The following FAM90A20 variants were observed in gnomAD, a reference collection of about 807,000 sequenced individuals.
FAM90A20 encodes the protein family with sequence similarity 90 member A20, also known as protein FAM90A20.
the FAM90A20 span, among the ~76,000 whole-genome samples, chr8:7,296,908 C>A: frequency 2.9e-5 from 4 of 137,298 alleles, no homozygotes; most frequent in Admixed American, 6.7e-5. Flanking sequence ...CTGATCAGCA[C>A]TCAGGTGGAG....
chr8:7,295,551 C>G, the FAM90A20 span: 5 of 651,710 alleles, frequency 7.7e-6, 1 homozygote, highest in South Asian at 1.5e-5. Flanking sequence ...TCTGAATTCA[C>G]AATCCATCCC....
the FAM90A20 span, chr8:7,297,157 G>A: frequency 2.3e-4 from 354 of 1,530,796 alleles, 30 homozygotes; most frequent in Middle Eastern, 9.2e-4. Flanking sequence ...TGTCTGGCAG[G>A]GGCTCCGTCT....
chr8:7,297,765 C>G, the FAM90A20 span: 7 of 1,471,202 alleles, frequency 4.8e-6, no homozygotes, highest in Non-Finnish European at 6.4e-6. Flanking sequence ...TGCACCATGT[C>G]CCATCACCCA....
chr8:7,297,386 G>A, the FAM90A20 span: 3 of 1,516,984 alleles, frequency 2.0e-6, no homozygotes, highest in South Asian at 2.2e-5. Context: ...CCTGCTCCAG[G>A]CCGTCAGAAC....
the FAM90A20 span, chr8:7,297,605 G>T: frequency 1.4e-6 from 2 of 1,465,734 alleles, no homozygotes; most frequent in Non-Finnish European, 1.8e-6. Flanking sequence ...AGGTGAGCTG[G>T]GGGCCCCGGA....
chr8:7,297,636 C>T, the FAM90A20 span: 8 of 1,408,462 alleles, frequency 5.7e-6, 1 homozygote, highest in South Asian at 2.3e-5. Context: ...CCTCCACCAG[C>T]CGCAACCGAA....
the FAM90A20 span, chr8:7,297,245 G>C: frequency 6.8e-7 from 1 of 1,480,610 alleles, no homozygotes; most frequent in Non-Finnish European, 9.2e-7. Flanking sequence ...ACAGACAGGG[G>C]CTGCCGCCGA....
the FAM90A20 span, among the ~76,000 whole-genome samples, chr8:7,296,688 A>T: frequency 7.4e-6 from 1 of 135,512 alleles, no homozygotes; most frequent in South Asian, 2.2e-4. Flanking sequence ...AGAAGGCTAA[A>T]CCCAGGAACA....
the FAM90A20 span, chr8:7,295,922 TCCG>T: frequency 1.7e-6 from 1 of 577,170 alleles, no homozygotes; most frequent in Non-Finnish European, 3.0e-6. Context: ...CCTTTCCGTC[TCCG>T]GGCCAGGGAA....
the FAM90A20 span, chr8:7,297,453 C>A: frequency 6.4e-6 from 10 of 1,552,998 alleles, no homozygotes; most frequent in South Asian, 8.9e-5. Context: ...TCAGCCGCCA[C>A]ACACAGCTTG....
the FAM90A20 span, chr8:7,297,318 A>C: frequency 1.6e-5 from 22 of 1,358,324 alleles, no homozygotes; most frequent in Non-Finnish European, 2.3e-5. Context: ...GAGCCGACAC[A>C]CAGCAGCCCT....
At chr8:7,297,542 C>A in the FAM90A20 span, 3 of 1,524,372 alleles carry the variant, frequency 2.0e-6, 1 homozygote, top group Non-Finnish European at 2.7e-6. Flanking sequence ...CCTGAACTTC[C>A]CCAAGAAACC....
At chr8:7,296,054 C>A in the FAM90A20 span, among the ~76,000 whole-genome samples, 2 of 130,042 alleles carry the variant, frequency 1.5e-5, no homozygotes, top group Non-Finnish European at 3.1e-5. Flanking sequence ...ATGCAGGTTC[C>A]CCACGACAGG....
At chr8:7,297,317 C>T in the FAM90A20 span, 5 of 1,357,916 alleles carry the variant, frequency 3.7e-6, no homozygotes, top group Admixed American at 1.7e-5. Context: ...GGAGCCGACA[C>T]ACAGCAGCCC....
At chr8:7,297,656 A>T in the FAM90A20 span, 3 of 1,394,980 alleles carry the variant, frequency 2.2e-6, 1 homozygote, top group Middle Eastern at 2.4e-4. Flanking sequence ...ACTTGGACCA[A>T]GTAGGTCGCC....
At chr8:7,296,522 C>A in the FAM90A20 span, 1,099 of 630,136 alleles carry the variant, frequency 1.7e-3, 103 homozygotes, top group East Asian at 5.6e-3. Flanking sequence ...GGGGTCAGGG[C>A]CTCCACGATC....
the FAM90A20 span, chr8:7,297,315 C>G: frequency 3.7e-6 from 5 of 1,355,482 alleles, no homozygotes; most frequent in Non-Finnish European, 4.1e-6. Context: ...GTGGAGCCGA[C>G]ACACAGCAGC....
chr8:7,297,250 C>G, the FAM90A20 span: 547 of 1,456,480 alleles, frequency 3.8e-4, 85 homozygotes, highest in African/African-American at 4.3e-3. Context: ...CAGGGGCTGC[C>G]GCCGACATCC....
the FAM90A20 span, chr8:7,295,784 C>A: frequency 4.8e-6 from 6 of 1,249,144 alleles, no homozygotes; most frequent in Non-Finnish European, 6.8e-6. Context: ...TGAAGCCAAC[C>A]CGGGGCCCTT....
Sources: gnomAD v4.1 joint callset for allele counts (sites outside exome capture counted in the v4.1 genomes callset) on GRCh38, gnomAD v4.1.1 for gene constraint, MANE v1.5 for transcripts, NCBI Gene and HGNC (gene_info 2026-07-23, HGNC 2026-07-21) for gene names.